Variants in KRT8 observed in about 807,000 individuals in gnomAD.
KRT8 encodes keratin, type II cytoskeletal 8.
In KRT8, 24 loss-of-function variants were observed where a neutral mutation model predicts 43.0. The observed-to-expected ratio is 0.56, with a 90% CI of 0.40 to 0.78. The LOEUF (loss-of-function observed/expected upper bound fraction) is 0.78, where lower values mean the gene tolerates loss of function less well. KRT8 is among the 30% of genes least tolerant of loss of function. The pLI is 0.00. For synonymous variants in KRT8, 214 were observed against 261.2 expected, an observed-to-expected ratio of 0.82 and a Z score of 1.74; for missense variants, 492 against 638.4, an observed-to-expected ratio of 0.77 and a Z score of 2.47.
chr12:52,911,726 G>A (rs1248273478), upstream of KRT8, among the ~76,000 whole-genome samples: 1 of 151,930 alleles, frequency 6.6e-6, no homozygotes, highest in Non-Finnish European at 1.5e-5. Context: ...CCAGTATAAC[G>A]ATGGAGAACA....
chr12:52,946,511 T>G (rs546787616), intron 2 of KRT8: 1 of 152,284 alleles, frequency 6.6e-6, no homozygotes, highest in South Asian at 2.1e-4. Flanking sequence ...GTGAAGAAAT[T>G]GAAGTTCAGA....
chr12:52,903,193 G>T (rs958990724), intron 1 of KRT8, among the ~76,000 whole-genome samples: 1 of 152,158 alleles, frequency 6.6e-6, no homozygotes, highest in South Asian at 2.1e-4. Context: ...TGTGGGCCAA[G>T]CACTGCTGAA....
intron 2 of KRT8, among the ~76,000 whole-genome samples, chr12:52,915,574 G>A (rs1421695043): frequency 6.6e-6 from 1 of 151,896 alleles, no homozygotes; most frequent in Non-Finnish European, 1.5e-5. Context: ...GCCGAGCATG[G>A]TGGTGCATGC....
upstream of KRT8, among the ~76,000 whole-genome samples, chr12:52,908,193 C>CTCATGATCATGGGAAGAGATAGTCTG (rs1451205705): frequency 1.3e-5 from 2 of 152,152 alleles, no homozygotes; most frequent in Non-Finnish European, 2.9e-5. Context: ...GTTATCATCA[C>CTCATGATCATGGGAAGAGATAGTCTG]TCATGATCAT....
intron 2 of KRT8, among the ~76,000 whole-genome samples, chr12:52,917,893 AAGGAGAAGG>A (rs963479397): frequency 6.7e-6 from 1 of 150,250 alleles, no homozygotes; most frequent in Non-Finnish European, 1.5e-5. Flanking sequence ...GAAGAAGAAG[AAGGAGAAGG>A]AGGAGAAGGA....
At chr12:52,905,118 G>GA, upstream of KRT8, 1 of 1,439,686 alleles carries the variant, frequency 6.9e-7, no homozygotes, top group Non-Finnish European at 9.1e-7. Flanking sequence ...GGATGGGGGG[G>GA]AAAGGCCTCG....
intron 2 of KRT8, among the ~76,000 whole-genome samples, chr12:52,920,534 T>G (rs911733394): frequency 6.6e-6 from 1 of 151,724 alleles, no homozygotes; most frequent in African/African-American, 2.4e-5. Flanking sequence ...GGGGCAGAGG[T>G]TGGGGTGAGC....
At chr12:52,907,641 G>A (rs1941549286), upstream of KRT8, among the ~76,000 whole-genome samples, 1 of 152,244 alleles carries the variant, frequency 6.6e-6, no homozygotes, top group Admixed American at 6.5e-5. Flanking sequence ...TACCCAGCCA[G>A]GGGAAGCCCT....
rs998498527 is a variant in KRT8 at position 52,926,435 on chromosome 12, G to C, written c.-46-21408C>G. ...ACCCTTCCTGCAGGTCCTGGCTCCA[G>C]CTCACCCCATTCATTCCGCAAACAT... On this transcript the variant is annotated intron_variant, in intron 2 of 6. Coordinates refer to the KRT8 transcript ENST00000546826. 4 of 1,503,486 alleles carry C rather than the reference G, an allele frequency of 2.7e-6. No homozygotes were observed. The African/African-American group carries it at 5.6e-5, about 21-fold the overall frequency. 93.1% of individuals were successfully genotyped at this position (1,503,486 alleles called of 1,614,324 possible). A position where few individuals can be genotyped will look rare whatever the true frequency, so the allele number is the denominator to read the frequency against.
chr12:52,904,578 G>T, intron 1 of KRT8, 80 bp downstream of exon 1: 1 of 1,338,158 alleles, frequency 7.5e-7, no homozygotes, highest in Non-Finnish European at 1.1e-6. Flanking sequence ...CCAGCTGGGG[G>T]CTGGAGATGT....
At chr12:52,897,548 G>A (rs1253439290) in exon 8 of KRT8, 2 of 1,597,838 alleles carry the variant, frequency 1.3e-6, no homozygotes, top group Non-Finnish European at 1.7e-6. Flanking sequence ...CCGCGCCAGA[G>A]CCAAAGCTGG....
chr12:52,910,311 TCAGGCAC>T (rs2120609166), upstream of KRT8, among the ~76,000 whole-genome samples: 1 of 152,230 alleles, frequency 6.6e-6, no homozygotes, highest in Non-Finnish European at 1.5e-5. Flanking sequence ...ACAGCCAGAG[TCAGGCAC>T]CAGGCTTTAG....
intron 2 of KRT8, among the ~76,000 whole-genome samples, chr12:52,934,933 C>T (rs1029381738): frequency 6.6e-6 from 1 of 151,758 alleles, no homozygotes; most frequent in African/African-American, 2.4e-5. Context: ...CGCACCATTG[C>T]ACCCTAGCCT....
In KRT8 at chr12:52,933,004, C is replaced by T. The variant is rs552185646; in HGVS notation, c.-47+16452G>A. ...TGTCACCCAGGCTGGAGTGCAGTGG[C>T]GCGATCTCAGCTCACCGCAACCTCT... On this transcript the variant is annotated intron_variant, in intron 2 of 6. Transcript: ENST00000546826. 3.9e-5 allele frequency among the ~76,000 whole-genome samples: 6 copies of T among 152,236 alleles called. No individual in the cohort carries two copies. In the South Asian group the frequency reaches 1.0e-3, roughly 26 times the overall value.
At chr12:52,921,765 T>C (rs1941890694) in intron 2 of KRT8, among the ~76,000 whole-genome samples, 2 of 152,164 alleles carry the variant, frequency 1.3e-5, no homozygotes, top group South Asian at 2.1e-4. Context: ...TATTCCCCCA[T>C]GGCCTAGCAG....
chr12:52,944,017 T>C (rs1942306702), intron 2 of KRT8, among the ~76,000 whole-genome samples: 1 of 152,048 alleles, frequency 6.6e-6, no homozygotes. Flanking sequence ...TGGAGAGTAG[T>C]AAGTGCAAAA....
At chr12:52,942,436 T>C (rs1942282489) in intron 2 of KRT8, among the ~76,000 whole-genome samples, 1 of 152,152 alleles carries the variant, frequency 6.6e-6, no homozygotes, top group South Asian at 2.1e-4. Flanking sequence ...AACCCCATGA[T>C]TTTCAGTGCC....
chr12:52,941,071 T>TA (rs1168851683), intron 2 of KRT8, among the ~76,000 whole-genome samples: 1 of 151,418 alleles, frequency 6.6e-6, no homozygotes, highest in Non-Finnish European at 1.5e-5. Flanking sequence ...ACATTAATTT[T>TA]TTTTTTTTTT....
chr12:52,918,205 CAAGAAG>C (rs371624304), intron 2 of KRT8, among the ~76,000 whole-genome samples: 1,654 of 116,680 alleles, frequency 0.014, 47 homozygotes, highest in South Asian at 0.025. Context: ...AGAAGAAGAA[CAAGAAG>C]AAGAAGAAGA....
Sources: allele counts gnomAD v4.1 joint callset (sites outside exome capture counted in the v4.1 genomes callset), GRCh38; gene constraint gnomAD v4.1.1; transcripts MANE v1.5; gene names NCBI Gene and HGNC (gene_info 2026-07-23, HGNC 2026-07-21).